Variants in GOLGA8T observed in about 807,000 individuals in gnomAD.
GOLGA8T encodes the protein golgin subfamily A member 8T.
Under a neutral mutation model 52.0 loss-of-function variants are expected in GOLGA8T, and 17 were observed. The observed-to-expected ratio is 0.33, with a 90% CI of 0.22 to 0.49. GOLGA8T has a LOEUF of 0.49. Ranked by LOEUF, GOLGA8T falls within the 20% of genes least tolerant of loss-of-function variation. The pLI, the probability that GOLGA8T is intolerant of heterozygous loss-of-function variation, is 0.99. For missense variants in GOLGA8T, 154 were observed against 462.1 expected (o/e 0.33, Z 6.11); for synonymous variants, 67 against 169.5 (o/e 0.40, Z 4.70).
intron 2 of GOLGA8T, 25 bp downstream of exon 2, chr15:30,137,010 TG>T (rs1207538997): frequency 8.9e-7 from 1 of 1,129,874 alleles, no homozygotes; most frequent in African/African-American, 1.6e-5. Context: ...ACCAGGCTTC[TG>T]GGGACAGGGG....
intron 16 of GOLGA8T, 35 bp downstream of exon 16, chr15:30,144,911 A>G (rs199897212): frequency 0.018 from 29,178 of 1,582,850 alleles, 895 homozygotes; most frequent in Non-Finnish European, 0.023. Flanking sequence ...AGGGGGAGCT[A>G]CAGGGCCGTC....
At position 30,142,362 on chromosome 15, in the gene GOLGA8T, C is replaced by G. The variant is rs929635596; in HGVS notation, c.1180C>G (p.Leu394Val). The change falls in exon 13 of 19, where the codon CTA (leucine) becomes GTA (valine). Residue 394 changes from leucine (L) to valine (V), a missense_variant. Transcript: ENST00000569052. ...ALQLEQQVKELQEKLGEEHLE... is the reference protein window; with the variant it reads ...ALQLEQQVKEVQEKLGEEHLE... ...GCAGTTGGAGCAGCAAGTAAAGGAG[C>G]TACAGGAGAAGCTTGGCGAGGTGAA... 3 of 1,547,066 alleles carry G rather than the reference C, an allele frequency of 1.9e-6. No homozygotes were observed. The South Asian group carries it at 3.5e-5, about 18-fold the overall frequency.
At chr15:30,144,583 GAGCCAGAGGC>G (rs1274928396) in intron 15 of GOLGA8T, among the ~76,000 whole-genome samples, 186 bp from the exon 16 acceptor site, 2 of 134,484 alleles carry the variant, frequency 1.5e-5, no homozygotes, top group African/African-American at 3.1e-5. Context: ...GGCCCAGAAG[GAGCCAGAGGC>G]AGCCAGAGGC....
In GOLGA8T at chr15:30,148,448, T is replaced by A. The variant is rs1027511909; in HGVS notation, c.*2881T>A. 1.7e-4 allele frequency among the ~76,000 whole-genome samples: 22 copies of A among 129,422 alleles called. 2 individuals are homozygous for A. In the South Asian group the frequency reaches 2.3e-3, roughly 14 times the overall value. The allele number at this position is 129,422 out of a possible 152,430, so 84.9% of individuals were successfully genotyped here. On this transcript the variant is annotated 3_prime_UTR_variant, in exon 19 of 19. Coordinates refer to ENST00000569052, the MANE Select transcript of GOLGA8T (RefSeq NM_001355469.2). ...CTCTAAAACTTTATCTTAGTCATTT[T>A]AAAATAATATAACTATTAAAAAATG...
rs1000397584 is a variant in GOLGA8T, at chr15:30,142,507, C to T, written c.1200+125C>T. On this transcript the variant is annotated intron_variant, in intron 13 of 18. Transcript: ENST00000569052. ...TGGGGGCTGGTGACCACAGCACCCC[C>T]CAGGGCAGTCCTGTTTCTTGCTTCC... 1.8e-5 allele frequency: 27 copies of T among 1,505,202 alleles called. 4 individuals are homozygous for T. In the African/African-American group the frequency reaches 4.1e-4, roughly 23 times the overall value. 93.2% of individuals were successfully genotyped at this position (1,505,202 alleles called of 1,614,324 possible).
chr15:30,137,150 G>A (rs1239489779), intron 2 of GOLGA8T, among the ~76,000 whole-genome samples, 165 bp downstream of exon 2: 18 of 144,520 alleles, frequency 1.2e-4, no homozygotes, highest in African/African-American at 4.8e-4. Context: ...GGCCAAGGCA[G>A]GCGGATCATG....
At chr15:30,142,469 G>A (rs2057758187) in intron 13 of GOLGA8T, 87 bp downstream of exon 13, 1 of 1,562,234 alleles carries the variant, frequency 6.4e-7, no homozygotes, top group Non-Finnish European at 8.6e-7. Context: ...GAGGCCAGAG[G>A]CAGCTTCCAG....
chr15:30,148,702 G>A lies in GOLGA8T; in HGVS notation c.*3135G>A, dbSNP rs1183918473. On this transcript the variant is annotated 3_prime_UTR_variant, in exon 19 of 19. Transcript: ENST00000569052. ...GATTTTTCCCTAGAGTGGCCTTATT[G>A]ACTGCTGGTGTGATGCCACTGTAAT... Among the ~76,000 whole-genome samples, 1 of 146,698 alleles carries A rather than the reference G, an allele frequency of 6.8e-6. No individual in the cohort carries two copies. Among genetic ancestry groups the A allele is most frequent in the Non-Finnish European group, 1.5e-5 (1 of 67,270 alleles).
intron 11 of GOLGA8T, 135 bp downstream of exon 11, chr15:30,141,560 C>A: frequency 1.3e-6 from 1 of 778,418 alleles, no homozygotes; most frequent in South Asian, 1.7e-5. Flanking sequence ...CAGGAGACGG[C>A]GAGTCTTGTC....
rs1214222442 is a variant in GOLGA8T at position 30,145,572 on chromosome 15, C to T, written c.*5C>T. ...CTGCCAAGAAGAAGGAGATAAACAT[C>T]ACCATCCTCAAAGAGCTGCTCAAGA... is the stretch of plus-strand genomic sequence containing the variant. On this transcript the variant is annotated 3_prime_UTR_variant, in exon 19 of 19. Transcript: ENST00000569052. 10 of 1,467,428 alleles carry T rather than the reference C, an allele frequency of 6.8e-6. No homozygotes were observed. The highest frequency in any genetic ancestry group is 1.8e-5 in the Admixed American group (1 of 56,338). 90.9% of individuals were successfully genotyped at this position (1,467,428 alleles called of 1,614,324 possible).
intron 15 of GOLGA8T, among the ~76,000 whole-genome samples, chr15:30,144,562 C>T (rs1355476564): frequency 7.5e-6 from 1 of 133,234 alleles, no homozygotes; most frequent in East Asian, 2.2e-4. Context: ...CCTGGCTCAC[C>T]CGGTGGCCTC....
chr15:30,142,624 G>A (rs11639257), intron 13 of GOLGA8T, among the ~76,000 whole-genome samples: 17,876 of 140,548 alleles, frequency 0.13, 1,912 homozygotes, highest in Non-Finnish European at 0.17. Flanking sequence ...CCAATCACAG[G>A]GGAAGAGACA....
chr15:30,144,143 GGGA>G lies in GOLGA8T; in HGVS notation c.1313_1315del (p.Glu438del), dbSNP rs2057786595. ...GGAGGAGAACATCTGGACAGTGAGGGGGAGGAGGCACCTCAGCCCATGCCGAGT... is the reference window on the plus strand; with the variant it reads ...GGAGGAGAACATCTGGACAGTGAGGGGGAGGCACCTCAGCCCATGCCGAGT... On this transcript the variant is annotated inframe_deletion, in exon 15 of 19. Coordinates refer to ENST00000569052, the MANE Select transcript of GOLGA8T (RefSeq NM_001355469.2). 1 of 399,046 alleles carries G rather than the reference GGGA, an allele frequency of 2.5e-6. No homozygotes were observed. Among genetic ancestry groups the G allele is most frequent in the Non-Finnish European group, 4.2e-6 (1 of 236,604 alleles). 24.7% of individuals were successfully genotyped at this position (399,046 alleles called of 1,614,324 possible).
chr15:30,140,277 CCTT>C (rs2057725327), intron 8 of GOLGA8T, among the ~76,000 whole-genome samples: 1 of 127,290 alleles, frequency 7.9e-6, no homozygotes, highest in African/African-American at 4.2e-5. Flanking sequence ...CCCTTCTGTA[CCTT>C]CTGAGTTTTG....
Sources: gnomAD v4.1 joint callset for allele counts (sites outside exome capture counted in the v4.1 genomes callset) on GRCh38, gnomAD v4.1.1 for gene constraint, MANE v1.5 for transcripts, NCBI Gene and HGNC (gene_info 2026-07-23, HGNC 2026-07-21) for gene names.